TRPC4: variants seen among roughly 807,000 people sequenced by gnomAD.
TRPC4 encodes short transient receptor potential channel 4.
A neutral mutation model predicts 99.4 loss-of-function variants in TRPC4; 49 were observed. The ratio of observed to expected loss-of-function variants is 0.49; its 90% CI spans 0.39 to 0.63. The LOEUF (loss-of-function observed/expected upper bound fraction) is 0.63. Ranked by LOEUF, TRPC4 falls within the 20% of genes least tolerant of loss-of-function variation. The pLI, the probability that TRPC4 is intolerant of heterozygous loss-of-function variation, is 0.00. For missense variants in TRPC4, 898 were observed against 1,152.9 expected (o/e 0.78, Z 3.20); for synonymous variants, 454 against 425.9 (o/e 1.07, Z -0.81).
chr13:37,650,612 T>TACACACAC lies in TRPC4; in HGVS notation c.2079+645_2079+652dup, dbSNP rs57068516. 4.7e-3 allele frequency among the ~76,000 whole-genome samples: 657 copies of TACACACAC among 140,614 alleles called. 7 individuals are homozygous for TACACACAC. The highest frequency in any genetic ancestry group is 9.8e-3 in the African/African-American group (365 of 37,070). The allele number at this position is 140,614 out of a possible 152,430, so 92.2% of individuals were successfully genotyped here. On this transcript the variant is annotated intron_variant, in intron 8 of 10. Transcript: ENST00000379705. ...CTCTGTCTCTCTCTCTCTCTCTCTATACACACACACACACACACACACATA... is the reference window on the plus strand; with the variant it reads ...CTCTGTCTCTCTCTCTCTCTCTCTATACACACACACACACACACACACACACACACATA...
intron 1 of TRPC4, among the ~76,000 whole-genome samples, chr13:37,852,307 G>A (rs1228959176): frequency 1.3e-5 from 2 of 152,160 alleles, no homozygotes; most frequent in Non-Finnish European, 2.9e-5. Context: ...CAGTAGGAGA[G>A]GGTACTGGGC....
intron 1 of TRPC4, among the ~76,000 whole-genome samples, chr13:37,851,520 T>C (rs192115219): frequency 7.2e-5 from 11 of 152,310 alleles, no homozygotes; most frequent in African/African-American, 2.6e-4. Context: ...ATGGAAATAC[T>C]AGAAGTGGAA....
At chr13:37,704,123 T>C (rs1954191710) in intron 3 of TRPC4, among the ~76,000 whole-genome samples, 1 of 152,122 alleles carries the variant, frequency 6.6e-6, no homozygotes, top group South Asian at 2.1e-4. Flanking sequence ...AAAGAACACA[T>C]ACTGTATAAT....
chr13:37,769,227 C>T (rs1956477355), intron 2 of TRPC4, among the ~76,000 whole-genome samples: 2 of 151,344 alleles, frequency 1.3e-5, no homozygotes, highest in African/African-American at 2.4e-5. Flanking sequence ...TGAAACTATA[C>T]ATATATTTTT....
chr13:37,819,630 T>C (rs1050846407), intron 1 of TRPC4, among the ~76,000 whole-genome samples: 1 of 151,794 alleles, frequency 6.6e-6, no homozygotes, highest in Non-Finnish European at 1.5e-5. Context: ...TAAGAACACA[T>C]GGGCACATAG....
intron 4 of TRPC4, among the ~76,000 whole-genome samples, chr13:37,681,901 C>T (rs1953252855): frequency 6.6e-6 from 1 of 152,170 alleles, no homozygotes; most frequent in Non-Finnish European, 1.5e-5. Flanking sequence ...AGTCAGAGAA[C>T]TTCCTTTTAA....
intron 1 of TRPC4, among the ~76,000 whole-genome samples, chr13:37,824,679 AT>A (rs1958144292): frequency 1.3e-5 from 2 of 152,180 alleles, no homozygotes; most frequent in South Asian, 2.1e-4. Context: ...GTTTGCCATT[AT>A]TTTATTGAGG....
chr13:37,748,556 G>T (rs2139176705), intron 2 of TRPC4, among the ~76,000 whole-genome samples: 1 of 151,922 alleles, frequency 6.6e-6, no homozygotes, highest in East Asian at 1.9e-4. Flanking sequence ...AATATACCAA[G>T]AATAAATCTG....
intron 4 of TRPC4, among the ~76,000 whole-genome samples, chr13:37,681,302 TACTTCACTTC>T (rs762221303): frequency 1.3e-5 from 2 of 152,202 alleles, no homozygotes; most frequent in Non-Finnish European, 2.9e-5. Flanking sequence ...CCCAAAATCT[TACTTCACTTC>T]TGACCTTTGA....
intron 1 of TRPC4, among the ~76,000 whole-genome samples, chr13:37,847,843 A>G (rs961910070): frequency 6.6e-6 from 1 of 152,100 alleles, no homozygotes; most frequent in African/African-American, 2.4e-5. Flanking sequence ...GAACTCACAG[A>G]AATAGAGTAG....
At chr13:37,819,190 G>C (rs1288119943) in intron 1 of TRPC4, among the ~76,000 whole-genome samples, 4 of 152,000 alleles carry the variant, frequency 2.6e-5, no homozygotes, top group Non-Finnish European at 4.4e-5. Context: ...AGATGCTGGT[G>C]AGGTTGTAGA....
chr13:37,695,021 C>T (rs2957219), intron 3 of TRPC4, among the ~76,000 whole-genome samples: 135,212 of 152,184 alleles, frequency 0.89, 60,243 homozygotes, highest in Middle Eastern at 0.95. Context: ...AAAATGGGTT[C>T]GGTGGTTAAA....
intron 6 of TRPC4, among the ~76,000 whole-genome samples, chr13:37,662,721 G>A (rs369463050): frequency 1.3e-5 from 2 of 152,160 alleles, no homozygotes; most frequent in African/African-American, 4.8e-5. Context: ...TTGTCACAGT[G>A]GGAAGGAAAT....
At position 37,734,660 on chromosome 13, in the gene TRPC4, T is replaced by A. The variant is rs184517919; in HGVS notation, c.897+11277A>T. 1.2e-4 allele frequency among the ~76,000 whole-genome samples: 18 copies of A among 152,266 alleles called. No individual in the cohort carries two copies. The East Asian group carries it at 3.3e-3, about 28-fold the overall frequency. On this transcript the variant is annotated intron_variant, in intron 3 of 10. Coordinates refer to ENST00000379705, the MANE Select transcript of TRPC4 (RefSeq NM_016179.4). ...TGTGCCCCAGGAATAAGTACAGTTA[T>A]TAATTGGCAATTAATAAGATAAAAA...
intron 4 of TRPC4, among the ~76,000 whole-genome samples, chr13:37,681,455 C>CT (rs967634292): frequency 3.1e-4 from 46 of 148,778 alleles, no homozygotes; most frequent in Admixed American, 9.4e-4. Flanking sequence ...GTGTTGGTAT[C>CT]TTTTTTTTTT....
chr13:37,769,433 G>T (rs74047167), intron 2 of TRPC4, among the ~76,000 whole-genome samples: 20 of 151,476 alleles, frequency 1.3e-4, no homozygotes, highest in African/African-American at 4.8e-4. Flanking sequence ...AAGGGAACCT[G>T]TATATTATTC....
intron 2 of TRPC4, among the ~76,000 whole-genome samples, chr13:37,772,933 C>A (rs560218504): frequency 2.4e-3 from 370 of 151,870 alleles, no homozygotes; most frequent in African/African-American, 8.2e-3. Flanking sequence ...TCGCCTCCCC[C>A]TTCCCAGAAA....
rs1041842508 is a variant in TRPC4 at position 37,632,794 on chromosome 13, C to A, written c.*4109G>T. 6.6e-6 allele frequency among the ~76,000 whole-genome samples: 1 copy of A among 152,086 alleles called. No homozygotes were observed. The highest frequency in any genetic ancestry group is 2.4e-5 in the African/African-American group (1 of 41,432). On this transcript the variant is annotated 3_prime_UTR_variant, in exon 11 of 11. Transcript: ENST00000379705. ...TTTTCTGAAAACAGTAAGAAACCAG[C>A]TTTTTAAAAATTCTCTTAACACAAC...
At chr13:37,791,604 C>A (rs906406205) in intron 1 of TRPC4, among the ~76,000 whole-genome samples, 15 of 152,020 alleles carry the variant, frequency 9.9e-5, no homozygotes, top group Non-Finnish European at 1.3e-4. Flanking sequence ...CAATGTCCTG[C>A]ACTCACAGAG....
Sources: allele counts gnomAD v4.1 joint callset (sites outside exome capture counted in the v4.1 genomes callset), GRCh38; gene constraint gnomAD v4.1.1; transcripts MANE v1.5; gene names NCBI Gene and HGNC (gene_info 2026-07-23, HGNC 2026-07-21).